ADGRL3: variants seen among roughly 807,000 people sequenced by gnomAD.
The protein encoded by ADGRL3 is calcium-independent alpha-latrotoxin receptor 3.
Under a neutral mutation model 153.5 loss-of-function variants are expected in ADGRL3, and 62 were observed. The observed-to-expected ratio is 0.40, with a 90% CI of 0.33 to 0.50. The LOEUF is 0.50. ADGRL3 is among the 20% of genes least tolerant of loss of function. The pLI is 0.47. For synonymous variants in ADGRL3, 710 were observed against 672.5 expected (o/e 1.06, Z -0.86); for missense variants, 1,641 against 1,859.4 (o/e 0.88, Z 2.16).
At position 61,935,043 on chromosome 4, in the gene ADGRL3, C is replaced by T. The variant is rs1336991126; in HGVS notation, c.2296+20C>T. On this transcript the variant is annotated intron_variant, in intron 14 of 26. Coordinates refer to ENST00000683033, the MANE Select transcript of ADGRL3 (RefSeq NM_001387552.1). Reference sequence around the variant, plus strand: ...ATATTAGTAAGTGGCCTTTGTTATTCAGAAGGTCCAGACACTCTTGTATAT... The same window carrying T: ...ATATTAGTAAGTGGCCTTTGTTATTTAGAAGGTCCAGACACTCTTGTATAT... 2 of 1,604,380 alleles carry T rather than the reference C, an allele frequency of 1.2e-6. No individual in the cohort carries two copies. Among genetic ancestry groups the T allele is most frequent in the South Asian group, 2.2e-5 (2 of 90,818 alleles).
intron 1 of ADGRL3, among the ~76,000 whole-genome samples, chr4:61,323,347 G>A (rs997911317): frequency 1.2e-4 from 18 of 152,076 alleles, no homozygotes; most frequent in African/African-American, 3.1e-4. Context: ...TCGGCTCCTC[G>A]TTAACTTATG....
At chr4:61,265,930 G>A (rs1008341478) in intron 1 of ADGRL3, among the ~76,000 whole-genome samples, 1 of 151,820 alleles carries the variant, frequency 6.6e-6, no homozygotes, top group Non-Finnish European at 1.5e-5. Flanking sequence ...ACATTGATAT[G>A]TGGGGAAAAT....
At chr4:61,935,076 G>A (rs975492519) in intron 14 of ADGRL3, 53 bp downstream of exon 14, 45 of 1,503,220 alleles carry the variant, frequency 3.0e-5, no homozygotes, top group Admixed American at 2.2e-4. Context: ...TATCAGAAGA[G>A]GGAAAAGAAA....
intron 5 of ADGRL3, among the ~76,000 whole-genome samples, chr4:61,588,157 C>T (rs1231380836): frequency 6.6e-6 from 1 of 151,726 alleles, no homozygotes; most frequent in Non-Finnish European, 1.5e-5. Flanking sequence ...TATTTGTTCA[C>T]TATTACTATG....
intron 6 of ADGRL3, among the ~76,000 whole-genome samples, chr4:61,683,114 A>ATTTT (rs34187412): frequency 0.017 from 2,433 of 141,098 alleles, 88 homozygotes; most frequent in African/African-American, 0.061. Flanking sequence ...CAAGAGCTGT[A>ATTTT]TTTTTTTTTT....
intron 19 of ADGRL3, among the ~76,000 whole-genome samples, chr4:61,986,802 T>C (rs963141969): frequency 1.1e-4 from 16 of 152,282 alleles, no homozygotes; most frequent in African/African-American, 3.4e-4. Flanking sequence ...ACAGAAGCCT[T>C]CAGAATACAT....
intron 9 of ADGRL3, among the ~76,000 whole-genome samples, chr4:61,891,933 A>G (rs998586277): frequency 1.3e-5 from 2 of 152,152 alleles, no homozygotes; most frequent in African/African-American, 4.8e-5. Context: ...GAACCTAACT[A>G]TTTTATTTGG....
At chr4:61,357,213 C>T (rs965799644) in intron 1 of ADGRL3, among the ~76,000 whole-genome samples, 7 of 151,864 alleles carry the variant, frequency 4.6e-5, no homozygotes, top group Non-Finnish European at 8.8e-5. Flanking sequence ...AAATTAATTG[C>T]TTGTTAATGA....
rs1036940369 is a variant in ADGRL3 at position 61,587,250 on chromosome 4, A to G, written c.283A>G (p.Met95Val). ...AGCTTTCAGCCGTGCCCCAATTCCA[A>G]TGGCTGTGGTCCGCAGAGAGCTATC... ...AQAFSRAPIPMAVVRRELSCE... is the reference protein window; with the variant it reads ...AQAFSRAPIPVAVVRRELSCE... The change falls in exon 5 of 27, where the codon ATG (methionine) becomes GTG (valine). Residue 95 changes from methionine (M) to valine (V), a missense_variant. This residue lies in a region of ADGRL3 where 145 missense variants were observed against 79.1 expected (regional missense o/e 1.83). Coordinates refer to ENST00000683033, the MANE Select transcript of ADGRL3 (RefSeq NM_001387552.1). 2.9e-5 allele frequency: 47 copies of G among 1,607,992 alleles called. No homozygotes were observed. Among genetic ancestry groups the G allele is most frequent in the Non-Finnish European group, 3.7e-5 (44 of 1,176,938 alleles).
chr4:61,423,237 A>T lies in ADGRL3; in HGVS notation c.-174+40048A>T, dbSNP rs569946474. On this transcript the variant is annotated intron_variant, in intron 2 of 26. Coordinates refer to ENST00000683033, the MANE Select transcript of ADGRL3 (RefSeq NM_001387552.1). ...AAAGGGATGTTGAAGTTGAGAGTCGACTACCCAAATGAAACAACCAGAAAA... is the reference window on the plus strand; with the variant it reads ...AAAGGGATGTTGAAGTTGAGAGTCGTCTACCCAAATGAAACAACCAGAAAA... Among the ~76,000 whole-genome samples the T allele has an allele frequency of 3.3e-5, 5 of 152,334 alleles. No homozygotes were observed. In the East Asian group the frequency reaches 9.6e-4, roughly 29 times the overall value.
intron 2 of ADGRL3, among the ~76,000 whole-genome samples, chr4:61,465,220 G>A (rs748204149): frequency 3.3e-5 from 5 of 152,016 alleles, no homozygotes; most frequent in East Asian, 1.9e-4. Context: ...AAGCATAGAC[G>A]TAAGAAAGTA....
chr4:61,397,719 A>G (rs987289389), intron 2 of ADGRL3, among the ~76,000 whole-genome samples: 1 of 151,778 alleles, frequency 6.6e-6, no homozygotes, highest in African/African-American at 2.4e-5. Context: ...CTAATTTCCT[A>G]TAAAAAAAAT....
chr4:61,453,832 C>G (rs925676802), intron 2 of ADGRL3, among the ~76,000 whole-genome samples: 6 of 152,060 alleles, frequency 3.9e-5, no homozygotes, highest in African/African-American at 1.4e-4. Context: ...CTAGTTTCTT[C>G]TAGCTTCTTT....
At chr4:61,867,304 G>C (rs374339158) in intron 9 of ADGRL3, among the ~76,000 whole-genome samples, 1 of 151,410 alleles carries the variant, frequency 6.6e-6, no homozygotes, top group African/African-American at 2.4e-5. Context: ...TTTGAGACTA[G>C]CCTGAGCAAC....
At chr4:61,226,943 T>C (rs932024046) in intron 1 of ADGRL3, among the ~76,000 whole-genome samples, 3 of 152,212 alleles carry the variant, frequency 2.0e-5, no homozygotes, top group African/African-American at 7.2e-5. Context: ...GGGAAAGATA[T>C]CCTGCTGTGA....
chr4:61,905,101 A>G (rs1028972853), intron 11 of ADGRL3, among the ~76,000 whole-genome samples: 11 of 152,188 alleles, frequency 7.2e-5, no homozygotes, highest in Admixed American at 6.5e-4. Context: ...AACCTGCAGA[A>G]TACTATGAAT....
intron 1 of ADGRL3, among the ~76,000 whole-genome samples, chr4:61,274,559 A>T (rs2093368968): frequency 6.6e-6 from 1 of 152,144 alleles, no homozygotes; most frequent in African/African-American, 2.4e-5. Context: ...CCAGAATGTG[A>T]TTTAAAAAAC....
At chr4:61,623,008 G>C (rs1283389772) in intron 5 of ADGRL3, among the ~76,000 whole-genome samples, 1 of 152,008 alleles carries the variant, frequency 6.6e-6, no homozygotes, top group Non-Finnish European at 1.5e-5. Context: ...AAAAATTAAT[G>C]TTCTAGAGGT....
intron 9 of ADGRL3, among the ~76,000 whole-genome samples, chr4:61,820,143 A>C (rs565831081): frequency 2.2e-4 from 33 of 152,286 alleles, no homozygotes; most frequent in Admixed American, 6.5e-4. Flanking sequence ...CTTAGTAATC[A>C]AAAGGAAAAT....
Sources: allele counts gnomAD v4.1 joint callset (sites outside exome capture counted in the v4.1 genomes callset), GRCh38; gene constraint gnomAD v4.1.1; regional missense constraint gnomAD v4.1.1; transcripts MANE v1.5; gene names NCBI Gene and HGNC (gene_info 2026-07-23, HGNC 2026-07-21).